ZNF428: variants seen among roughly 807,000 people sequenced by gnomAD.
The protein encoded by ZNF428 is enzyme-like protein PIT13.
A neutral mutation model predicts 15.6 loss-of-function variants in ZNF428; 5 were observed. The ratio of observed to expected loss-of-function variants is 0.32; its 90% CI spans 0.17 to 0.67. The LOEUF (loss-of-function observed/expected upper bound fraction) is 0.67, where lower values mean the gene tolerates loss of function less well. Ranked by LOEUF, ZNF428 falls within the 30% of genes least tolerant of loss-of-function variation. The probability of loss-of-function intolerance (pLI) is 0.73; values close to 1 mark genes in which losing one functional copy is unlikely to be tolerated. For missense variants in ZNF428, 237 were observed against 256.0 expected, an observed-to-expected ratio of 0.93 and a Z score of 0.51; for synonymous variants, 97 against 102.2, an observed-to-expected ratio of 0.95 and a Z score of 0.31.
At chr19:43,614,528 A>G (rs1860149) in intron 1 of ZNF428, 94 bp from the exon 2 acceptor site, 589,638 of 1,239,886 alleles carry the variant, frequency 0.48, 141,934 homozygotes, top group African/African-American at 0.62. Context: ...CACTGCTGGC[A>G]TGGGGCACAG....
intron 2 of ZNF428, among the ~76,000 whole-genome samples, chr19:43,611,353 G>A (rs1488307836): frequency 6.7e-6 from 1 of 150,316 alleles, no homozygotes; most frequent in East Asian, 1.9e-4. Flanking sequence ...AGAGAGTCTC[G>A]CTGTCACCCA....
chr19:43,615,532 T>TA (rs748528689), intron 1 of ZNF428, among the ~76,000 whole-genome samples: 1,422 of 137,502 alleles, frequency 0.01, 13 homozygotes, highest in African/African-American at 0.03. Flanking sequence ...AACTTGTCTC[T>TA]AAAAAAAAAA....
Position 43,608,032 on chromosome 19 carries a change from T to C in ZNF428, c.152A>G (p.Glu51Gly). ...DSEEEEDEEE[E>G]EEETTDDPEY... ...AGGATCGTCAGTGGTCTCCTCTTCC[T>C]CCTCCTCCTCATCTTCTTCCTCTTC... The change falls in exon 3 of 3, where the codon GAG (glutamate) becomes GGG (glycine). Residue 51 changes from glutamate to glycine, a missense_variant. Transcript: ENST00000300811. The C allele has an allele frequency of 1.2e-6, 2 of 1,613,752 alleles. No individual in the cohort carries two copies. Among genetic ancestry groups the C allele is most frequent in the African/African-American group, 1.3e-5 (1 of 75,014 alleles).
At chr19:43,617,395 T>C (rs765549836) in intron 1 of ZNF428, among the ~76,000 whole-genome samples, 43 of 152,034 alleles carry the variant, frequency 2.8e-4, no homozygotes, top group Non-Finnish European at 4.3e-4. Context: ...GATACAATGG[T>C]GGAAAATACA....
intron 2 of ZNF428, among the ~76,000 whole-genome samples, chr19:43,610,163 C>T (rs1973280398): frequency 6.6e-6 from 1 of 151,722 alleles, no homozygotes; most frequent in Admixed American, 6.6e-5. Context: ...GCCCTGGCCA[C>T]TCCCCAGCAC....
At chr19:43,611,084 A>C (rs1452522661) in intron 2 of ZNF428, among the ~76,000 whole-genome samples, 1 of 152,082 alleles carries the variant, frequency 6.6e-6, no homozygotes, top group African/African-American at 2.4e-5. Flanking sequence ...GCTCCCAGCC[A>C]GGTCTCTCTC....
rs1973304559 is a variant in ZNF428, at chr19:43,612,170, A to G, written c.76+2059T>C. 1.9e-6 allele frequency: 3 copies of G among 1,551,600 alleles called. No homozygotes were observed. The highest frequency in any genetic ancestry group is 1.2e-5 in the South Asian group (1 of 84,064). ...AAAGCCCAGTATGTCTCTGGCACCC[A>G]GTGGATCCTCCATGCCCACTGCGGA... On this transcript the variant is annotated intron_variant, in intron 2 of 2. Transcript: ENST00000300811. The surrounding 1 kb of genome is among the most constrained non-coding windows in gnomAD (Gnocchi z 4.2).
chr19:43,614,018 A>G lies in ZNF428; in HGVS notation c.76+211T>C, dbSNP rs1973344367. ...CAAAGAAGGAAATCATAGCCAATCT[A>G]GAACCTCTAGCAAGGAGAGCGACCC... On this transcript the variant is annotated intron_variant, in intron 2 of 2. Coordinates refer to ENST00000300811, the MANE Select transcript of ZNF428 (RefSeq NM_182498.4). 1.9e-6 allele frequency: 3 copies of G among 1,551,792 alleles called. No homozygotes were observed. Among genetic ancestry groups the G allele is most frequent in the Non-Finnish European group, 2.6e-6 (3 of 1,146,984 alleles).
At chr19:43,609,921 T>G (rs903385327) in intron 2 of ZNF428, among the ~76,000 whole-genome samples, 4 of 152,004 alleles carry the variant, frequency 2.6e-5, no homozygotes, top group African/African-American at 9.7e-5. Context: ...AAGCCTCACC[T>G]TGTATCCATC....
chr19:43,610,054 A>G (rs1027089061), intron 2 of ZNF428, among the ~76,000 whole-genome samples: 1 of 151,624 alleles, frequency 6.6e-6, no homozygotes, highest in South Asian at 2.1e-4. Flanking sequence ...TCACCTTCCA[A>G]CACCCCAGGC....
At chr19:43,615,224 G>C (rs902009722) in intron 1 of ZNF428, among the ~76,000 whole-genome samples, 1 of 152,006 alleles carries the variant, frequency 6.6e-6, no homozygotes, top group African/African-American at 2.4e-5. Flanking sequence ...CTACACAGCA[G>C]ACAACAGCTA....
intron 2 of ZNF428, chr19:43,613,718 C>T (rs992097537): frequency 1.5e-5 from 23 of 1,551,040 alleles, no homozygotes; most frequent in South Asian, 3.6e-5. Flanking sequence ...GGAGAGACAG[C>T]GCAGACAATC....
intron 2 of ZNF428, chr19:43,613,074 C>G: frequency 6.4e-7 from 1 of 1,551,494 alleles, no homozygotes; most frequent in Non-Finnish European, 8.7e-7. Flanking sequence ...AGAAGTCGCA[C>G]CCGGAAGGGA....
chr19:43,607,518 A>G lies in ZNF428; in HGVS notation c.*99T>C. 7.1e-7 allele frequency: 1 copy of G among 1,403,806 alleles called. No homozygotes were observed. 87.0% of individuals were successfully genotyped at this position (1,403,806 alleles called of 1,614,324 possible). ...TACTTCTAAGACAACACAGACCGGC[A>G]GTACCCCATCCCCCATGACCACTGT... On this transcript the variant is annotated 3_prime_UTR_variant, in exon 3 of 3. Transcript: ENST00000300811. The surrounding 1 kb of genome is among the most constrained non-coding windows in gnomAD (Gnocchi z 5.1).
chr19:43,609,832 A>G (rs931993812), intron 2 of ZNF428, among the ~76,000 whole-genome samples: 6 of 152,084 alleles, frequency 3.9e-5, no homozygotes, highest in Non-Finnish European at 5.9e-5. Context: ...CACACAGAGT[A>G]ATGGTTGGGG....
At chr19:43,613,158 C>T in intron 2 of ZNF428, 1 of 1,551,588 alleles carries the variant, frequency 6.4e-7, no homozygotes, top group South Asian at 1.2e-5. Flanking sequence ...CAATCTAGAA[C>T]CCCCAGAAGA....
At chr19:43,608,821 G>A (rs561496384) in intron 2 of ZNF428, among the ~76,000 whole-genome samples, 6 of 151,694 alleles carry the variant, frequency 4.0e-5, no homozygotes, top group African/African-American at 1.5e-4. Context: ...CCAGCTACTC[G>A]GGAGGCTGAG....
intron 1 of ZNF428, among the ~76,000 whole-genome samples, chr19:43,617,837 C>T (rs1452570557): frequency 6.6e-6 from 1 of 152,020 alleles, no homozygotes; most frequent in African/African-American, 2.4e-5. Flanking sequence ...CATGAGCTAC[C>T]ACACCTGGCC....
rs370588364 is a variant in ZNF428 at position 43,607,766 on chromosome 19, G to A, written c.418C>T (p.Arg140Trp). ...ALGEEEEEPP[R>W]AGEGRPAGRE... Reference sequence around the variant, plus strand: ...CCAGCTGGTCGGCCCTCCCCAGCCCGAGGTGGTTCCTCCTCTTCCTCCCCG... The same window carrying A: ...CCAGCTGGTCGGCCCTCCCCAGCCCAAGGTGGTTCCTCCTCTTCCTCCCCG... Residue 140 changes from arginine to tryptophan, a missense_variant, in exon 3 of 3, where the codon CGG becomes TGG. Arg to Trp is a moderately radical substitution (Grantham distance 101). Transcript: ENST00000300811. This position sits in a 1 kb window ranked among gnomAD's most constrained non-coding sequence, Gnocchi z 5.1. 1.4e-5 allele frequency: 22 copies of A among 1,606,318 alleles called. No homozygotes were observed. Among genetic ancestry groups the A allele is most frequent in the African/African-American group, 8.1e-5 (6 of 74,468 alleles).
Sources: allele counts gnomAD v4.1 joint callset (sites outside exome capture counted in the v4.1 genomes callset), GRCh38; gene constraint gnomAD v4.1.1; non-coding constraint Gnocchi (gnomAD v3.1); transcripts MANE v1.5; gene names NCBI Gene and HGNC (gene_info 2026-07-23, HGNC 2026-07-21).